LPIN1: variants seen among roughly 807,000 people sequenced by gnomAD.
The protein encoded by LPIN1 is lipin 1.
Under a neutral mutation model 107.5 loss-of-function variants are expected in LPIN1, and 71 were observed. The ratio of observed to expected loss-of-function variants is 0.66; its 90% CI spans 0.55 to 0.80. LPIN1 has a LOEUF of 0.80. LPIN1 is among the 30% of genes least tolerant of loss of function. The probability of loss-of-function intolerance (pLI) is 0.00; values close to 1 mark genes in which losing one functional copy is unlikely to be tolerated. For synonymous variants in LPIN1, 445 were observed against 452.6 expected (o/e 0.98, Z 0.21); for missense variants, 1,043 against 1,160.6 (o/e 0.90, Z 1.47).
At chr2:11,677,853 G>A (rs899417745) in intron 1 of LPIN1, 34 of 806,306 alleles carry the variant, frequency 4.2e-5, no homozygotes, top group Non-Finnish European at 6.6e-5. Context: ...TTCGGGATGG[G>A]TTTGTGCATT....
intron 17 of LPIN1, 101 bp downstream of exon 17, chr2:11,805,257 G>GCCCTCTCTGCA: frequency 2.1e-6 from 2 of 943,670 alleles, no homozygotes; most frequent in Non-Finnish European, 3.4e-6. Flanking sequence ...GTGACTTGCA[G>GCCCTCTCTGCA]AGAGGGCTGC....
intron 16 of LPIN1, 66 bp from the exon 17 acceptor site, chr2:11,805,004 G>A: frequency 1.1e-6 from 1 of 924,910 alleles, no homozygotes. Context: ...TTTTTATGAG[G>A]CATGAATGGT....
chr2:11,787,997 G>A (rs1674959920), intron 11 of LPIN1, among the ~76,000 whole-genome samples: 1 of 152,058 alleles, frequency 6.6e-6, no homozygotes, highest in Admixed American at 6.5e-5. Flanking sequence ...GGATGTACAG[G>A]TATTTTTGCA....
intron 18 of LPIN1, chr2:11,819,128 CTT>C (rs1167696938): frequency 3.9e-6 from 1 of 259,604 alleles, no homozygotes; most frequent in Non-Finnish European, 7.5e-6. Context: ...TTGGTCCACA[CTT>C]TGCCCATACT....
intron 20 of LPIN1, among the ~76,000 whole-genome samples, chr2:11,823,984 G>A (rs1302691929): frequency 6.6e-6 from 1 of 152,068 alleles, no homozygotes; most frequent in African/African-American, 2.4e-5. Context: ...TCTAAGACGT[G>A]TTGATAATTT....
chr2:11,706,562 A>G (rs1663137628), intron 1 of LPIN1, among the ~76,000 whole-genome samples: 1 of 152,248 alleles, frequency 6.6e-6, no homozygotes, highest in African/African-American at 2.4e-5. Flanking sequence ...GGGAAGATGG[A>G]GGAAGTACTA....
rs1171247173 is a variant in LPIN1, at chr2:11,774,965, T to TAAAA, written c.723-1108_723-1105dup. ...TTCCAGTAGCCCTATTTTTAAAAAG[T>TAAAA]AAAAAAAAAAAAAAAAGATGAAATT... On this transcript the variant is annotated intron_variant, in intron 5 of 20. Coordinates refer to ENST00000674199, the MANE Select transcript of LPIN1 (RefSeq NM_001349206.2). The surrounding 1 kb of genome is among the most constrained non-coding windows in gnomAD (Gnocchi z 4.4). 0.034 allele frequency among the ~76,000 whole-genome samples: 4,056 copies of TAAAA among 119,890 alleles called. 184 individuals are homozygous for TAAAA. The highest frequency in any genetic ancestry group is 0.11 in the African/African-American group (3,742 of 33,008). The allele number at this position is 119,890 out of a possible 152,430, so 78.7% of individuals were successfully genotyped here.
chr2:11,731,340 C>T (rs1046455715), intron 1 of LPIN1, among the ~76,000 whole-genome samples: 2 of 152,034 alleles, frequency 1.3e-5, no homozygotes, highest in African/African-American at 4.8e-5. Context: ...TTTTCTGTTC[C>T]CGTGTTAGTT....
At chr2:11,708,152 C>T (rs1663219164) in intron 1 of LPIN1, among the ~76,000 whole-genome samples, 1 of 152,196 alleles carries the variant, frequency 6.6e-6, no homozygotes, top group Non-Finnish European at 1.5e-5. Flanking sequence ...AGTGATCTGC[C>T]TTCAGCCACC....
intron 1 of LPIN1, among the ~76,000 whole-genome samples, chr2:11,699,767 C>A (rs1038644840): frequency 6.6e-6 from 1 of 152,058 alleles, no homozygotes; most frequent in Admixed American, 6.6e-5. Context: ...GAGCTCCCAG[C>A]CTAATGGGGC....
At chr2:11,678,758 G>A (rs935315217) in intron 1 of LPIN1, among the ~76,000 whole-genome samples, 1 of 152,198 alleles carries the variant, frequency 6.6e-6, no homozygotes, top group Non-Finnish European at 1.5e-5. Context: ...CGTGGATCCT[G>A]CTCCCACCTC....
intron 12 of LPIN1, among the ~76,000 whole-genome samples, chr2:11,788,929 T>C (rs1162547355): frequency 6.6e-6 from 1 of 152,180 alleles, no homozygotes; most frequent in Non-Finnish European, 1.5e-5. Flanking sequence ...GTACAGGGCC[T>C]GGACAGCTCC....
At chr2:11,785,257 G>T (rs1469224119) in intron 10 of LPIN1, among the ~76,000 whole-genome samples, 181 bp downstream of exon 10, 1 of 152,236 alleles carries the variant, frequency 6.6e-6, no homozygotes, top group African/African-American at 2.4e-5. Context: ...GTCGGCCTCA[G>T]AGTTCTGTGG....
chr2:11,691,289 G>A (rs1352810404), intron 1 of LPIN1, among the ~76,000 whole-genome samples: 1 of 152,078 alleles, frequency 6.6e-6, no homozygotes, highest in Non-Finnish European at 1.5e-5. Flanking sequence ...GGGGAAATCT[G>A]GGCTCTGAAT....
At chr2:11,785,236 G>C (rs1432870552) in intron 10 of LPIN1, among the ~76,000 whole-genome samples, 160 bp downstream of exon 10, 1 of 152,250 alleles carries the variant, frequency 6.6e-6, no homozygotes, top group Non-Finnish European at 1.5e-5. Flanking sequence ...GATGTTTCTG[G>C]CTTGCAGTTA....
intron 1 of LPIN1, among the ~76,000 whole-genome samples, chr2:11,737,220 T>C (rs183649759): frequency 1.3e-4 from 20 of 152,226 alleles, no homozygotes; most frequent in African/African-American, 4.8e-4. Context: ...TTACACTTTA[T>C]ACAAAAATTA....
chr2:11,792,518 G>A (rs1675948168), intron 13 of LPIN1, among the ~76,000 whole-genome samples: 1 of 151,950 alleles, frequency 6.6e-6, no homozygotes, highest in Admixed American at 6.5e-5. Flanking sequence ...GAATAGCTGG[G>A]ATTACAGCCA....
intron 19 of LPIN1, among the ~76,000 whole-genome samples, chr2:11,820,196 C>T (rs138733216): frequency 6.6e-6 from 1 of 152,302 alleles, no homozygotes; most frequent in East Asian, 1.9e-4. Flanking sequence ...GTCTTTTCTT[C>T]AACTCAGTCC....
intron 1 of LPIN1, among the ~76,000 whole-genome samples, chr2:11,754,167 C>T (rs1391117712): frequency 6.6e-6 from 1 of 152,184 alleles, no homozygotes; most frequent in Non-Finnish European, 1.5e-5. Context: ...CGAGCAGCAG[C>T]CAGGTCTGTA....
Sources: gnomAD v4.1 joint callset for allele counts (sites outside exome capture counted in the v4.1 genomes callset) on GRCh38, gnomAD v4.1.1 for gene constraint, Gnocchi (gnomAD v3.1) non-coding constraint, MANE v1.5 for transcripts, NCBI Gene and HGNC (gene_info 2026-07-23, HGNC 2026-07-21) for gene names.